Variants in DISC1 observed in about 807,000 individuals in gnomAD.
DISC1 encodes DISC1 scaffold protein.
A neutral mutation model predicts 84.5 loss-of-function variants in DISC1; 57 were observed. That is an observed-to-expected ratio of 0.67 (90% CI 0.55 to 0.84). DISC1 has a LOEUF of 0.84. Ranked by LOEUF, DISC1 falls within the 40% of genes least tolerant of loss-of-function variation. DISC1 has a pLI of 0.00. For synonymous variants in DISC1, 411 were observed against 415.2 expected (o/e 0.99, Z 0.12); for missense variants, 1,000 against 1,057.8 (o/e 0.95, Z 0.76).
intron 6 of DISC1, among the ~76,000 whole-genome samples, chr1:231,776,061 G>T (rs941763326): frequency 1.3e-5 from 2 of 152,130 alleles, no homozygotes; most frequent in Admixed American, 1.3e-4. Context: ...GGAGAATGGT[G>T]ATTTGCAGCT....
intron 6 of DISC1, among the ~76,000 whole-genome samples, chr1:231,779,561 T>G (rs1050392338): frequency 4.2e-5 from 6 of 141,502 alleles, no homozygotes; most frequent in African/African-American, 8.1e-5. Context: ...TTTTTTTTTT[T>G]TTTTTTTTTT....
At chr1:231,937,722 A>G (rs2091066770) in intron 9 of DISC1, among the ~76,000 whole-genome samples, 1 of 152,206 alleles carries the variant, frequency 6.6e-6, no homozygotes, top group South Asian at 2.1e-4. Context: ...AGGCTTGGGG[A>G]CTGAAGGGGA....
chr1:231,694,074 C>A lies in DISC1; in HGVS notation c.316C>A (p.Pro106Thr), dbSNP rs34574703. 1.1e-4 allele frequency: 175 copies of A among 1,614,174 alleles called. 2 individuals carry two copies. In the African/African-American group the frequency reaches 2.2e-3, roughly 21 times the overall value. Residue 106 changes from proline to threonine, a missense_variant, in exon 2 of 13, where the codon CCT (proline) becomes ACT (threonine). Coordinates refer to ENST00000439617, the MANE Select transcript of DISC1 (RefSeq NM_018662.3). ...RSPVSKSAAA[P>T]TVTSVRGTSA... ...CCCTGTTTCCAAGAGTGCAGCAGCC[C>A]CTACTGTGACCTCTGTGAGAGGAAC...
intron 4 of DISC1, among the ~76,000 whole-genome samples, chr1:231,756,988 G>A (rs1337872567): frequency 6.6e-6 from 1 of 152,148 alleles, no homozygotes; most frequent in Non-Finnish European, 1.5e-5. Flanking sequence ...GGCCATGGTG[G>A]CAGGCTGAAG....
At chr1:231,880,727 T>G (rs2086227630) in intron 9 of DISC1, among the ~76,000 whole-genome samples, 1 of 145,246 alleles carries the variant, frequency 6.9e-6, no homozygotes, top group African/African-American at 2.6e-5. Context: ...GTTGGAGTTT[T>G]TAAGGGGATC....
intron 9 of DISC1, among the ~76,000 whole-genome samples, chr1:231,866,285 A>C (rs764740706): frequency 1.3e-5 from 2 of 152,178 alleles, no homozygotes; most frequent in African/African-American, 2.4e-5. Flanking sequence ...CAGCTCTGCC[A>C]TTGACTAATT....
At chr1:231,714,736 G>A (rs1316782128) in intron 3 of DISC1, among the ~76,000 whole-genome samples, 3 of 151,984 alleles carry the variant, frequency 2.0e-5, no homozygotes, top group Non-Finnish European at 4.4e-5. Flanking sequence ...TAGGGAGAGA[G>A]AGAGAGAGAG....
intron 3 of DISC1, among the ~76,000 whole-genome samples, chr1:231,714,568 C>CAGAT (rs1361866413): frequency 1.9e-4 from 28 of 150,712 alleles, no homozygotes; most frequent in African/African-American, 6.6e-4. Context: ...GAGAAAGAGA[C>CAGAT]AGAGAGATGG....
intron 10 of DISC1, among the ~76,000 whole-genome samples, chr1:232,003,044 T>C (rs139937886): frequency 3.3e-5 from 5 of 152,220 alleles, no homozygotes; most frequent in Admixed American, 2.6e-4. Context: ...CTTACAATTG[T>C]ATGTGAATTT....
At chr1:231,810,369 C>T (rs143984750) in intron 8 of DISC1, among the ~76,000 whole-genome samples, 8 of 152,180 alleles carry the variant, frequency 5.3e-5, no homozygotes, top group Non-Finnish European at 1.0e-4. Context: ...TCAACTCAAT[C>T]GCTTTCTTTC....
intron 9 of DISC1, among the ~76,000 whole-genome samples, chr1:231,863,136 C>T (rs1268081253): frequency 4.0e-5 from 6 of 150,984 alleles, no homozygotes; most frequent in Non-Finnish European, 8.8e-5. Flanking sequence ...TTTGTAATGC[C>T]TTCACAGGGT....
In DISC1 at chr1:231,657,152, C is replaced by T. The variant is rs115675476; in HGVS notation, c.67+30218C>T. Among the ~76,000 whole-genome samples, 387 of 152,248 alleles carry T rather than the reference C, an allele frequency of 2.5e-3. 3 individuals carry two copies. The highest frequency in any genetic ancestry group is 8.5e-3 in the African/African-American group (355 of 41,538). On this transcript the variant is annotated intron_variant, in intron 1 of 12. Coordinates refer to ENST00000439617, the MANE Select transcript of DISC1 (RefSeq NM_018662.3). ...TTTATATTTTTTGGGGTGTATACCC[C>T]GTAATGGGATTGATGAGTCAAATGG...
intron 3 of DISC1, among the ~76,000 whole-genome samples, chr1:231,746,571 T>C (rs1023223787): frequency 6.6e-6 from 1 of 152,216 alleles, no homozygotes; most frequent in Admixed American, 6.5e-5. Context: ...CCACCAACAA[T>C]GTATAAGAGT....
intron 1 of DISC1, among the ~76,000 whole-genome samples, chr1:231,666,260 A>G (rs987040584): frequency 7.1e-6 from 1 of 141,564 alleles, no homozygotes; most frequent in Admixed American, 7.9e-5. Context: ...AGCTGTTCTT[A>G]TATCTCGTAG....
At chr1:231,987,288 G>T (rs1225457746) in intron 10 of DISC1, among the ~76,000 whole-genome samples, 1 of 139,710 alleles carries the variant, frequency 7.2e-6, no homozygotes, top group African/African-American at 2.7e-5. Flanking sequence ...GCCCCTGAAA[G>T]ATTTTTTTCG....
chr1:231,754,581 T>C lies in DISC1; in HGVS notation c.1268+4505T>C, dbSNP rs901274097. Among the ~76,000 whole-genome samples the C allele has an allele frequency of 5.3e-5, 8 of 152,232 alleles. No individual in the cohort carries two copies. The South Asian group carries it at 1.2e-3, about 24-fold the overall frequency. ...CTCCCACCAGGACCCACCTCCAACA[T>C]TGGGGATTACAATTCAACATGAGAT... is the stretch of plus-strand genomic sequence containing the variant. On this transcript the variant is annotated intron_variant, in intron 4 of 12. Transcript: ENST00000439617.
chr1:231,915,802 A>G (rs1259862054), intron 9 of DISC1, among the ~76,000 whole-genome samples: 1 of 152,146 alleles, frequency 6.6e-6, no homozygotes, highest in Admixed American at 6.5e-5. Context: ...AAAAATAAAA[A>G]CAAAACCCCA....
intron 1 of DISC1, among the ~76,000 whole-genome samples, chr1:231,641,644 C>A (rs946569383): frequency 6.6e-6 from 1 of 152,226 alleles, no homozygotes; most frequent in Non-Finnish European, 1.5e-5. Context: ...CCACCCACAT[C>A]CTGCTGATTG....
intron 3 of DISC1, among the ~76,000 whole-genome samples, chr1:231,739,042 G>C (rs181640035): frequency 6.6e-6 from 1 of 152,208 alleles, no homozygotes; most frequent in African/African-American, 2.4e-5. Flanking sequence ...ATGGAGTTTA[G>C]AAATCAGGAT....
Sources: allele counts gnomAD v4.1 joint callset (sites outside exome capture counted in the v4.1 genomes callset), GRCh38; gene constraint gnomAD v4.1.1; transcripts MANE v1.5; gene names NCBI Gene and HGNC (gene_info 2026-07-23, HGNC 2026-07-21).